The following RGS3 variants were observed in gnomAD, a reference collection of about 807,000 sequenced individuals.
RGS3 encodes regulator of G protein signaling 3, also known as regulator of G-protein signalling 3.
In RGS3, 80 loss-of-function variants were observed where a neutral mutation model predicts 132.6. The observed-to-expected ratio is 0.60, with a 90% CI of 0.50 to 0.73. The LOEUF is 0.73. Ranked by LOEUF, RGS3 falls within the 30% of genes least tolerant of loss-of-function variation. The probability of loss-of-function intolerance (pLI) is 0.00; values close to 1 mark genes in which losing one functional copy is unlikely to be tolerated. For synonymous variants in RGS3, 598 were observed against 620.6 expected (o/e 0.96, Z 0.54); for missense variants, 1,382 against 1,530.8 (o/e 0.90, Z 1.62).
intron 7 of RGS3, among the ~76,000 whole-genome samples, chr9:113,491,492 C>T (rs932845795): frequency 2.6e-5 from 4 of 151,770 alleles, no homozygotes; most frequent in African/African-American, 9.7e-5. Flanking sequence ...CTCAGGTGAT[C>T]CACCCGCCTT....
rs1217293385 is a variant in RGS3, at chr9:113,553,459, AATATATAT to A, written c.2037+16566_2037+16573del. 1.7e-3 allele frequency among the ~76,000 whole-genome samples: 101 copies of A among 58,654 alleles called. 1 individual carries two copies. The highest frequency in any genetic ancestry group is 2.3e-3 in the South Asian group (4 of 1,728). The allele number at this position is 58,654 out of a possible 152,430, so 38.5% of individuals were successfully genotyped here. ...CTCTGTTTAAAAAAAAAAAAAAAAA[AATATATAT>A]ATATATATATATATATATATATATG... On this transcript the variant is annotated intron_variant, in intron 19 of 24. Coordinates refer to ENST00000350696, the Ensembl canonical transcript of RGS3.
chr9:113,543,912 A>G (rs535837461), intron 19 of RGS3, among the ~76,000 whole-genome samples: 1 of 152,302 alleles, frequency 6.6e-6, no homozygotes, highest in Admixed American at 6.5e-5. Flanking sequence ...CCACAGCACC[A>G]TTGCTGCTCT....
chr9:113,513,409 G>C (rs1403322549), intron 14 of RGS3, among the ~76,000 whole-genome samples: 1 of 152,108 alleles, frequency 6.6e-6, no homozygotes, highest in Non-Finnish European at 1.5e-5. Context: ...TGGCCAAGCC[G>C]GAGTACCTCC....
At chr9:113,465,881 G>T (rs938652794) in intron 3 of RGS3, among the ~76,000 whole-genome samples, 1 of 152,166 alleles carries the variant, frequency 6.6e-6, no homozygotes, top group African/African-American at 2.4e-5. Context: ...CCTGTTTCCT[G>T]CACTGGCTCT....
At chr9:113,447,839 AC>A (rs1829147067) in intron 1 of RGS3, among the ~76,000 whole-genome samples, 1 of 136,662 alleles carries the variant, frequency 7.3e-6, no homozygotes. Context: ...TTATTGCATT[AC>A]CCCTAGTCTT....
intron 21 of RGS3, chr9:113,593,825 C>A (rs1249972803): frequency 1.6e-6 from 2 of 1,258,148 alleles, no homozygotes; most frequent in African/African-American, 3.0e-5. Context: ...AGTCCTGCCA[C>A]CCCGGTGGTG....
Position 113,463,713 on chromosome 9 carries a change from G to A in RGS3, c.415+1512G>A. 4.8e-6 allele frequency: 7 copies of A among 1,454,826 alleles called. No individual in the cohort carries two copies. Among genetic ancestry groups the A allele is most frequent in the African/African-American group, 2.9e-5 (2 of 69,176 alleles). The allele number at this position is 1,454,826 out of a possible 1,614,324, so 90.1% of individuals were successfully genotyped here. ...TGGGGCAGCCCTACCTCCCGCTCGC[G>A]CTCCTCCCGCCCTGGAGACTCCGGT... On this transcript the variant is annotated intron_variant, in intron 3 of 24. Transcript: ENST00000350696. This position sits in a 1 kb window ranked among gnomAD's most constrained non-coding sequence, Gnocchi z 4.6.
In RGS3 at chr9:113,529,201, T is replaced by G. The variant is rs769589755; in HGVS notation, c.1871-20T>G. 4 of 1,605,902 alleles carry G rather than the reference T, an allele frequency of 2.5e-6. No individual in the cohort carries two copies. The highest frequency in any genetic ancestry group is 3.4e-6 in the Non-Finnish European group (4 of 1,172,594). On this transcript the variant is annotated intron_variant, in intron 17 of 24. Coordinates refer to ENST00000350696, the Ensembl canonical transcript of RGS3. ...CTTTATCCAGTTCTAATGCAAATCTTACTTTTTGTTCCCTCAAAGGTTCTT... is the reference window on the plus strand; with the variant it reads ...CTTTATCCAGTTCTAATGCAAATCTGACTTTTTGTTCCCTCAAAGGTTCTT...
At position 113,507,677 on chromosome 9, in the gene RGS3, G is replaced by A; in HGVS notation, c.1437+39G>A. On this transcript the variant is annotated intron_variant, in intron 13 of 24. Transcript: ENST00000350696. This position sits in a 1 kb window ranked among gnomAD's most constrained non-coding sequence, Gnocchi z 5.0. The stretch of plus-strand genomic sequence containing the variant: ...GTGTGGGGAAGGTGAAGGGTACTGG[G>A]TCCCTGTGGGAGGCCAGGAAGACTT... The A allele has an allele frequency of 7.1e-7, 1 of 1,415,406 alleles. No homozygotes were observed. The highest frequency in any genetic ancestry group is 1.9e-4 in the Middle Eastern group (1 of 5,218). 87.7% of individuals were successfully genotyped at this position (1,415,406 alleles called of 1,614,324 possible).
chr9:113,553,459 AATATATATATATATATATAT>A (rs1217293385), intron 19 of RGS3, among the ~76,000 whole-genome samples: 1 of 58,706 alleles, frequency 1.7e-5, no homozygotes, highest in Non-Finnish European at 3.0e-5. Context: ...AAAAAAAAAA[AATATATATATATATATATAT>A]ATATATATAT....
chr9:113,453,003 A>AAT (rs980755367), intron 1 of RGS3, among the ~76,000 whole-genome samples: 1 of 132,234 alleles, frequency 7.6e-6, no homozygotes, highest in African/African-American at 2.8e-5. Flanking sequence ...TATAAATATA[A>AAT]ATATATATTA....
chr9:113,465,477 G>A (rs1180765720), intron 3 of RGS3, among the ~76,000 whole-genome samples: 1 of 140,938 alleles, frequency 7.1e-6, no homozygotes, highest in African/African-American at 2.5e-5. Flanking sequence ...GTGTGTGTGT[G>A]TGTGCCTGTG....
At chr9:113,447,055 A>G (rs1254135371) in intron 1 of RGS3, among the ~76,000 whole-genome samples, 1 of 151,662 alleles carries the variant, frequency 6.6e-6, no homozygotes, top group Admixed American at 6.6e-5. Context: ...AGGTCAGGAG[A>G]TCGAGACCAT....
intron 20 of RGS3, among the ~76,000 whole-genome samples, chr9:113,587,642 T>G (rs1835186580): frequency 6.6e-6 from 1 of 152,196 alleles, no homozygotes; most frequent in Non-Finnish European, 1.5e-5. Context: ...AGGGTGACAT[T>G]CAGTCTCGAC....
chr9:113,460,663 G>T (rs939524840), intron 1 of RGS3, among the ~76,000 whole-genome samples: 2 of 151,286 alleles, frequency 1.3e-5, no homozygotes, highest in Non-Finnish European at 2.9e-5. Context: ...TAATTCCATC[G>T]ATCTGTCTTT....
At chr9:113,480,456 C>CT (rs1413074471) in intron 4 of RGS3, among the ~76,000 whole-genome samples, 1 of 103,620 alleles carries the variant, frequency 9.7e-6, no homozygotes, top group African/African-American at 3.6e-5. Context: ...GAGACTCCGT[C>CT]TCAAAAAAAA....
At chr9:113,553,994 T>C (rs1833467647) in intron 19 of RGS3, among the ~76,000 whole-genome samples, 1 of 152,268 alleles carries the variant, frequency 6.6e-6, no homozygotes, top group Non-Finnish European at 1.5e-5. Context: ...ATAAACATCT[T>C]GCCGCACTTT....
intron 19 of RGS3, among the ~76,000 whole-genome samples, chr9:113,563,541 T>C (rs1184030423): frequency 6.6e-6 from 1 of 152,138 alleles, no homozygotes; most frequent in Non-Finnish European, 1.5e-5. Flanking sequence ...CCATCAGAAT[T>C]GGCCATCTCT....
At chr9:113,469,931 A>G (rs1454583652) in intron 3 of RGS3, among the ~76,000 whole-genome samples, 2 of 141,356 alleles carry the variant, frequency 1.4e-5, no homozygotes, top group Non-Finnish European at 3.0e-5. Context: ...TGTTGTTTTG[A>G]GACTGAGTCT....
Sources: gnomAD v4.1 joint callset for allele counts (sites outside exome capture counted in the v4.1 genomes callset) on GRCh38, gnomAD v4.1.1 for gene constraint, Gnocchi (gnomAD v3.1) non-coding constraint, MANE v1.5 for transcripts, NCBI Gene and HGNC (gene_info 2026-07-23, HGNC 2026-07-21) for gene names.